The following THTPA variants were observed in gnomAD, a reference collection of about 807,000 sequenced individuals.
THTPA encodes the protein thiamine triphosphatase, also known as thiamine-triphosphatase.
THTPA carries 16 observed loss-of-function variants against 16.5 expected under a neutral mutation model. That is an observed-to-expected ratio of 0.97 (90% CI 0.66 to 1.47). THTPA has a LOEUF of 1.47. THTPA is among the 40% of genes most tolerant of loss of function. THTPA has a pLI of 0.00. For synonymous variants in THTPA, 110 were observed against 115.5 expected (o/e 0.95, Z 0.30); for missense variants, 281 against 280.9 (o/e 1.00, Z 0.00).
At chr14:23,532,880 T>C in the THTPA span, 1 of 1,536,224 alleles carries the variant, frequency 6.5e-7, no homozygotes, top group Admixed American at 2.0e-5. Flanking sequence ...CTCCTTCCAT[T>C]CAGCTTCCGG....
In THTPA at chr14:23,556,723, C is replaced by T. The variant is rs1257072918; in HGVS notation, c.-35C>T. ...GCACCAGGCTTTGCATCCTTGGGAA[C>T]TCAGCAAACGTTTGTTCAGCCAATT... On this transcript the variant is annotated 5_prime_UTR_variant, in exon 1 of 2. Transcript: ENST00000288014. 2 of 1,590,840 alleles carry T rather than the reference C, an allele frequency of 1.3e-6. No homozygotes were observed. The highest frequency in any genetic ancestry group is 2.3e-5 in the South Asian group (2 of 86,214).
chr14:23,522,302 A>G, the THTPA span: 1 of 1,514,426 alleles, frequency 6.6e-7, no homozygotes, highest in Non-Finnish European at 8.8e-7. Context: ...CTCCCCGTCA[A>G]ATGCCATCTT....
At chr14:23,553,321 C>T (rs933829492), upstream of THTPA, among the ~76,000 whole-genome samples, 6 of 152,184 alleles carry the variant, frequency 3.9e-5, no homozygotes, top group South Asian at 2.1e-4. Flanking sequence ...AGAGGCTGGC[C>T]GGGCATGGTG....
the THTPA span, chr14:23,533,144 T>A: frequency 5.5e-6 from 8 of 1,461,572 alleles, no homozygotes; most frequent in Non-Finnish European, 7.2e-6. This position sits in a 1 kb window ranked among gnomAD's most constrained non-coding sequence, Gnocchi z 4.8. Context: ...TGGTTCTCTA[T>A]GTGGGGAGGT....
At chr14:23,531,483 G>T in the THTPA span, 2 of 1,399,318 alleles carry the variant, frequency 1.4e-6, no homozygotes, top group East Asian at 2.7e-5. Context: ...TTCCTCACCG[G>T]GAGTCCGGAG....
chr14:23,534,412 G>C, the THTPA span: 2 of 1,536,672 alleles, frequency 1.3e-6, no homozygotes, highest in Admixed American at 3.9e-5. The surrounding 1 kb of genome is among the most constrained non-coding windows in gnomAD (Gnocchi z 4.5). Context: ...GTTGTCAAGG[G>C]GTATGTCAGA....
chr14:23,516,078 A>C, the THTPA span, among the ~76,000 whole-genome samples: 2 of 152,132 alleles, frequency 1.3e-5, no homozygotes. Context: ...AGATGGGGGC[A>C]GGTCACAGAT....
At chr14:23,529,259 C>T in the THTPA span, 1 of 166,414 alleles carries the variant, frequency 6.0e-6, no homozygotes, top group Non-Finnish European at 1.3e-5. Context: ...TGGTTGGTGC[C>T]CCTACCCTTA....
chr14:23,523,432 G>A, the THTPA span: 2 of 1,534,440 alleles, frequency 1.3e-6, no homozygotes, highest in East Asian at 4.9e-5. This position sits in a 1 kb window ranked among gnomAD's most constrained non-coding sequence, Gnocchi z 4.1. Context: ...GCTTGGCCAG[G>A]TGCTGACGGG....
At chr14:23,527,820 G>A in the THTPA span, 2 of 1,534,170 alleles carry the variant, frequency 1.3e-6, no homozygotes, top group East Asian at 4.9e-5. Context: ...GGGAACATAT[G>A]GGCAGTGGAC....
chr14:23,540,822 C>G, the THTPA span, among the ~76,000 whole-genome samples: 3 of 152,228 alleles, frequency 2.0e-5, no homozygotes, highest in African/African-American at 7.2e-5. Flanking sequence ...TTTTCCTTCT[C>G]TCTTTCCTGT....
the THTPA span, chr14:23,524,178 C>T: frequency 1.7e-5 from 26 of 1,536,010 alleles, no homozygotes; most frequent in African/African-American, 8.2e-5. This position sits in a 1 kb window ranked among gnomAD's most constrained non-coding sequence, Gnocchi z 5.6. Context: ...GGCACCCCCC[C>T]AGGGGTGCTT....
the THTPA span, chr14:23,512,734 A>G: frequency 6.7e-6 from 1 of 150,336 alleles, no homozygotes; most frequent in Middle Eastern, 3.5e-3. Context: ...GTGTGTATAT[A>G]TATATGCATA....
rs1354697990 is a variant in THTPA, at chr14:23,559,691, T to G, written c.*851T>G. ...TAGCCCTCAGGTGTAGGTTCGAAGCTGCTGGGGCCCCCTGGGGTTTGGGAC... is the reference window on the plus strand; with the variant it reads ...TAGCCCTCAGGTGTAGGTTCGAAGCGGCTGGGGCCCCCTGGGGTTTGGGAC... On this transcript the variant is annotated 3_prime_UTR_variant, in exon 2 of 2. Transcript: ENST00000288014. 1.9e-6 allele frequency: 3 copies of G among 1,559,112 alleles called. No homozygotes were observed. The highest frequency in any genetic ancestry group is 1.4e-5 in the African/African-American group (1 of 73,822).
chr14:23,541,252 C>T, the THTPA span, among the ~76,000 whole-genome samples: 1 of 151,604 alleles, frequency 6.6e-6, no homozygotes, highest in South Asian at 2.1e-4. Context: ...AATCTCTGCC[C>T]TTTTCAACTG....
At chr14:23,518,609 C>T in the THTPA span, among the ~76,000 whole-genome samples, 4 of 152,322 alleles carry the variant, frequency 2.6e-5, no homozygotes, top group South Asian at 6.2e-4. The surrounding 1 kb of genome is among the most constrained non-coding windows in gnomAD (Gnocchi z 4.5). Context: ...CTTTCACCAC[C>T]GCCTCTTGGT....
At chr14:23,525,519 C>G in the THTPA span, 1 of 1,535,436 alleles carries the variant, frequency 6.5e-7, no homozygotes, top group Admixed American at 2.0e-5. The surrounding 1 kb of genome is among the most constrained non-coding windows in gnomAD (Gnocchi z 5.9). Context: ...TCCCCACCCC[C>G]GAGGGCCTCA....
chr14:23,553,569 A>T (rs1882129239), upstream of THTPA, among the ~76,000 whole-genome samples: 1 of 150,802 alleles, frequency 6.6e-6, no homozygotes, highest in African/African-American at 2.4e-5. Flanking sequence ...ATTGCACTCC[A>T]GCCTGGGCAA....
the THTPA span, among the ~76,000 whole-genome samples, chr14:23,550,973 C>G: frequency 2.6e-5 from 4 of 152,062 alleles, no homozygotes; most frequent in Non-Finnish European, 5.9e-5. Flanking sequence ...CCCTTCCCCC[C>G]GGGATCCCCG....
Sources: allele counts gnomAD v4.1 joint callset (sites outside exome capture counted in the v4.1 genomes callset), GRCh38; gene constraint gnomAD v4.1.1; non-coding constraint Gnocchi (gnomAD v3.1); transcripts MANE v1.5; gene names NCBI Gene and HGNC (gene_info 2026-07-23, HGNC 2026-07-21).